SBF2: variants seen among roughly 807,000 people sequenced by gnomAD.
SBF2 encodes SET binding factor 2, also known as myotubularin-related protein 13.
Under a neutral mutation model 225.2 loss-of-function variants are expected in SBF2, and 112 were observed. The observed-to-expected ratio is 0.50, with a 90% confidence interval of 0.43 to 0.58. SBF2 has a LOEUF of 0.58. SBF2 is among the 20% of genes least tolerant of loss of function. The pLI, the probability that SBF2 is intolerant of heterozygous loss-of-function variation, is 0.00. For missense variants in SBF2, 1,996 were observed against 2,206.2 expected (o/e 0.90, Z 1.91); for synonymous variants, 763 against 773.3 (o/e 0.99, Z 0.22).
intron 6 of SBF2, among the ~76,000 whole-genome samples, chr11:10,022,606 C>A (rs776788693): frequency 2.0e-5 from 3 of 152,014 alleles, no homozygotes; most frequent in Non-Finnish European, 4.4e-5. Flanking sequence ...ACCCACCCCC[C>A]CATCATAATC....
At chr11:9,830,173 A>C (rs556841091) in intron 27 of SBF2, among the ~76,000 whole-genome samples, 1 of 152,370 alleles carries the variant, frequency 6.6e-6, no homozygotes, top group African/African-American at 2.4e-5. Flanking sequence ...GCAAAACAGA[A>C]TCACTGAAAT....
chr11:9,976,913 G>A (rs909730861), intron 13 of SBF2, among the ~76,000 whole-genome samples: 3 of 151,946 alleles, frequency 2.0e-5, no homozygotes, highest in Non-Finnish European at 2.9e-5. Context: ...GGGACTACAC[G>A]CGCCCACCAC....
intron 2 of SBF2, among the ~76,000 whole-genome samples, chr11:10,082,901 G>C (rs1460086478): frequency 1.3e-5 from 2 of 152,088 alleles, no homozygotes; most frequent in African/African-American, 4.8e-5. Context: ...CCAGGCAAGA[G>C]AAAGAAATAA....
chr11:9,841,155 T>C (rs1856107750), intron 25 of SBF2, among the ~76,000 whole-genome samples: 1 of 152,200 alleles, frequency 6.6e-6, no homozygotes, highest in Non-Finnish European at 1.5e-5. Context: ...GTGTTTCAAT[T>C]TGTGAACTTC....
intron 16 of SBF2, among the ~76,000 whole-genome samples, chr11:9,917,192 A>G (rs978284678): frequency 2.0e-5 from 3 of 151,794 alleles, no homozygotes; most frequent in Non-Finnish European, 4.4e-5. Context: ...TTTGGTGTCA[A>G]TACTTCATTT....
intron 1 of SBF2, among the ~76,000 whole-genome samples, chr11:10,227,793 T>G (rs1958640865): frequency 5.9e-5 from 9 of 152,124 alleles, no homozygotes; most frequent in Admixed American, 5.2e-4. Context: ...AGGATTGACT[T>G]GGCGATGCAG....
intron 39 of SBF2, 66 bp from the exon 40 acceptor site, chr11:9,780,582 G>A: frequency 7.5e-7 from 1 of 1,326,778 alleles, no homozygotes; most frequent in South Asian, 1.2e-5. Flanking sequence ...TTGGGTAAGT[G>A]GTAAATCAGT....
chr11:9,780,917 G>A (rs772732460), intron 39 of SBF2: 5 of 304,458 alleles, frequency 1.6e-5, no homozygotes, highest in East Asian at 8.2e-5. Flanking sequence ...GTTGGCCTTC[G>A]TGTCCCCTTT....
intron 2 of SBF2, among the ~76,000 whole-genome samples, chr11:10,185,722 G>A (rs144236703): frequency 9.9e-4 from 149 of 150,270 alleles, no homozygotes; most frequent in Non-Finnish European, 1.6e-3. Context: ...GCATCTTTTC[G>A]TGTGCTTGTA....
chr11:10,220,538 T>C (rs1017101272), intron 1 of SBF2, among the ~76,000 whole-genome samples: 1 of 152,180 alleles, frequency 6.6e-6, no homozygotes, highest in Non-Finnish European at 1.5e-5. Context: ...CCTTAGGCCT[T>C]CATAATTTCT....
At chr11:9,796,221 T>C (rs941330647) in intron 32 of SBF2, among the ~76,000 whole-genome samples, 11 of 152,140 alleles carry the variant, frequency 7.2e-5, no homozygotes, top group African/African-American at 2.4e-4. Flanking sequence ...GAGGCATTAT[T>C]ATCTCCACTT....
chr11:10,123,684 C>CAA (rs796450224), intron 2 of SBF2, among the ~76,000 whole-genome samples: 4 of 133,792 alleles, frequency 3.0e-5, no homozygotes, highest in Admixed American at 1.5e-4. Context: ...GTCTTCCTTA[C>CAA]AAAAAAAAAA....
chr11:9,974,952 C>T (rs11042576), intron 13 of SBF2, among the ~76,000 whole-genome samples: 1 of 72,364 alleles, frequency 1.4e-5, no homozygotes, highest in Non-Finnish European at 2.6e-5. Context: ...AACAGCGAAA[C>T]TTTGACTCAA....
intron 17 of SBF2, among the ~76,000 whole-genome samples, chr11:9,870,224 A>C (rs191611399): frequency 6.6e-6 from 1 of 152,218 alleles, no homozygotes; most frequent in South Asian, 2.1e-4. Flanking sequence ...CAAATGGAAA[A>C]ACATTCCATG....
rs1402590495 is a variant in SBF2, at chr11:9,983,348, G to T, written c.1395+6149C>A. ...GACAACTTGCATGACTCAGCAGAGG[G>T]AGCCATAATCTCCCTAGGTACACAA... On this transcript the variant is annotated intron_variant, in intron 13 of 39. Transcript: ENST00000256190. 3.9e-5 allele frequency among the ~76,000 whole-genome samples: 6 copies of T among 152,206 alleles called. No individual in the cohort carries two copies. In the South Asian group the frequency reaches 1.0e-3, roughly 26 times the overall value.
intron 2 of SBF2, among the ~76,000 whole-genome samples, chr11:10,124,358 G>A (rs753313585): frequency 6.6e-5 from 10 of 152,118 alleles, no homozygotes; most frequent in Non-Finnish European, 1.2e-4. Context: ...TCTAGACACT[G>A]TGAAGTTCCA....
chr11:10,154,886 T>C (rs1362069797), intron 2 of SBF2, among the ~76,000 whole-genome samples: 1 of 152,154 alleles, frequency 6.6e-6, no homozygotes, highest in African/African-American at 2.4e-5. Flanking sequence ...TATTTCTAGT[T>C]CACCAATACA....
chr11:9,950,347 A>C (rs1036446084), intron 16 of SBF2, among the ~76,000 whole-genome samples: 1 of 152,178 alleles, frequency 6.6e-6, no homozygotes, highest in Non-Finnish European at 1.5e-5. Flanking sequence ...AAAAGTTTCA[A>C]ATGTTAGCTC....
chr11:9,895,857 G>A (rs1861209920), intron 17 of SBF2, 86 bp downstream of exon 17: 10 of 999,382 alleles, frequency 1.0e-5, no homozygotes, highest in African/African-American at 1.6e-5. Flanking sequence ...TAAGAGGACA[G>A]GATTTTCATG....
Sources: gnomAD v4.1 joint callset for allele counts (sites outside exome capture counted in the v4.1 genomes callset) on GRCh38, gnomAD v4.1.1 for gene constraint, MANE v1.5 for transcripts, NCBI Gene and HGNC (gene_info 2026-07-23, HGNC 2026-07-21) for gene names.